The following CHIC2 variants were observed in gnomAD, a reference collection of about 807,000 sequenced individuals.
CHIC2 encodes cysteine rich hydrophobic domain 2.
Under a neutral mutation model 25.9 loss-of-function variants are expected in CHIC2, and 14 were observed. The observed-to-expected ratio is 0.54, with a 90% CI of 0.36 to 0.85. The LOEUF is 0.85. Among genes scored for constraint, CHIC2 ranks in the 40% least tolerant of loss-of-function variants. The pLI is 0.01. For missense variants in CHIC2, 146 were observed against 202.0 expected (o/e 0.72, Z 1.68); for synonymous variants, 70 against 72.0 (o/e 0.97, Z 0.14).
the CHIC2 span, among the ~76,000 whole-genome samples, chr4:54,083,018 C>CTTTTTTTTTTTTTTTTTTTTT: frequency 3.0e-3 from 205 of 67,922 alleles, 4 homozygotes; most frequent in Non-Finnish European, 3.3e-3. Context: ...TTCTTTCTTT[C>CTTTTTTTTTTTTTTTTTTTTT]TTTTTTTTTT....
chr4:54,080,484 G>A, the CHIC2 span, among the ~76,000 whole-genome samples: 2 of 151,692 alleles, frequency 1.3e-5, no homozygotes, highest in East Asian at 1.9e-4. Flanking sequence ...CTGGGGTCTC[G>A]GCTGGGTGCA....
At chr4:54,046,815 A>C (rs983217011) in intron 3 of CHIC2, among the ~76,000 whole-genome samples, 3 of 152,206 alleles carry the variant, frequency 2.0e-5, no homozygotes, top group African/African-American at 4.8e-5. Context: ...TAATTAAACT[A>C]AAGAGCTTCT....
chr4:54,024,745 C>G (rs1716004613), intron 3 of CHIC2, among the ~76,000 whole-genome samples: 1 of 152,200 alleles, frequency 6.6e-6, no homozygotes, highest in East Asian at 1.9e-4. Context: ...TAGGCACTCT[C>G]TAATTGGATG....
At chr4:54,064,690 T>TGCGTGGGC (rs933597312), upstream of CHIC2, 34 of 1,014,076 alleles carry the variant, frequency 3.4e-5, no homozygotes, top group East Asian at 5.9e-4. The surrounding 1 kb of genome is among the most constrained non-coding windows in gnomAD (Gnocchi z 4.2). Context: ...GGCGGGCGCG[T>TGCGTGGGC]GCGTGGGCGC....
intron 3 of CHIC2, among the ~76,000 whole-genome samples, chr4:54,026,856 T>C (rs73818146): frequency 0.023 from 3,527 of 152,302 alleles, 129 homozygotes; most frequent in African/African-American, 0.08. Flanking sequence ...TCTTAATGGT[T>C]TCATTTCAAT....
upstream of CHIC2, chr4:54,064,803 C>A (rs979407244): frequency 3.3e-6 from 1 of 304,858 alleles, no homozygotes; most frequent in Non-Finnish European, 4.8e-6. The surrounding 1 kb of genome is among the most constrained non-coding windows in gnomAD (Gnocchi z 4.2). Context: ...CAGACGGCGA[C>A]CGGGGCGCGC....
chr4:54,030,192 G>T (rs1056912723), intron 3 of CHIC2, among the ~76,000 whole-genome samples: 2 of 152,016 alleles, frequency 1.3e-5, no homozygotes, highest in East Asian at 3.8e-4. Flanking sequence ...ATTCAGAAAA[G>T]AAAAAACCTA....
chr4:54,046,063 G>T (rs1467663748), intron 3 of CHIC2, among the ~76,000 whole-genome samples: 2 of 150,598 alleles, frequency 1.3e-5, no homozygotes, highest in South Asian at 2.1e-4. Context: ...GCTTCAAAGA[G>T]AATAAAATAC....
At chr4:54,067,718 A>G (rs1717544718), upstream of CHIC2, among the ~76,000 whole-genome samples, 1 of 152,238 alleles carries the variant, frequency 6.6e-6, no homozygotes, top group African/African-American at 2.4e-5. Context: ...CTCAGGAGTC[A>G]GCAAGACTTG....
chr4:54,021,883 G>A (rs1715909788), intron 3 of CHIC2, among the ~76,000 whole-genome samples: 1 of 151,936 alleles, frequency 6.6e-6, no homozygotes, highest in African/African-American at 2.4e-5. Context: ...CCCACAAGAG[G>A]ACTTAATTAA....
At chr4:54,055,706 G>A (rs763879110) in intron 1 of CHIC2, among the ~76,000 whole-genome samples, 1 of 152,122 alleles carries the variant, frequency 6.6e-6, no homozygotes, top group Non-Finnish European at 1.5e-5. Context: ...GTTGAACTTT[G>A]AGCTCAATGA....
At chr4:54,075,299 A>G in the CHIC2 span, among the ~76,000 whole-genome samples, 31 of 152,356 alleles carry the variant, frequency 2.0e-4, no homozygotes, top group African/African-American at 7.5e-4. Context: ...CTTTGAAGCT[A>G]TAATGGACTA....
intron 3 of CHIC2, among the ~76,000 whole-genome samples, chr4:54,032,540 T>C (rs1319215644): frequency 6.6e-6 from 1 of 152,192 alleles, no homozygotes; most frequent in Non-Finnish European, 1.5e-5. Flanking sequence ...GGTGCCGGGA[T>C]TGCAGACGGA....
intron 3 of CHIC2, among the ~76,000 whole-genome samples, chr4:54,025,013 C>A (rs1481951803): frequency 2.0e-5 from 3 of 152,070 alleles, no homozygotes; most frequent in African/African-American, 7.2e-5. Flanking sequence ...TGAGAAACAT[C>A]GTCCATTATG....
chr4:54,026,419 CTGAGGTAGGAAAACTGCT>C (rs1252372873), intron 3 of CHIC2, among the ~76,000 whole-genome samples: 4 of 151,842 alleles, frequency 2.6e-5, no homozygotes, highest in Non-Finnish European at 5.9e-5. Context: ...ACTTGGGAGA[CTGAGGTAGGAAAACTGCT>C]TGAACCCGGG....
intron 3 of CHIC2, among the ~76,000 whole-genome samples, chr4:54,046,383 C>T (rs1419493698): frequency 3.3e-5 from 5 of 152,152 alleles, no homozygotes; most frequent in Non-Finnish European, 7.4e-5. Context: ...AGGCATCACG[C>T]TACCTGACTT....
chr4:54,013,969 C>G (rs1438531017), intron 4 of CHIC2, 73 bp from the exon 5 acceptor site: 2 of 1,594,182 alleles, frequency 1.3e-6, no homozygotes, highest in East Asian at 2.2e-5. Flanking sequence ...ACCCATTTGT[C>G]CACCTTTCAT....
the CHIC2 span, among the ~76,000 whole-genome samples, chr4:54,090,541 C>T: frequency 6.6e-6 from 1 of 152,246 alleles, no homozygotes; most frequent in East Asian, 1.9e-4. Context: ...CAAACGCATC[C>T]TCCCTCTTTC....
At position 54,013,836 on chromosome 4, in the gene CHIC2, C is replaced by A; in HGVS notation, c.447+1G>T. 6.2e-7 allele frequency: 1 copy of A among 1,612,896 alleles called. No homozygotes were observed. The highest frequency in any genetic ancestry group is 8.5e-7 in the Non-Finnish European group (1 of 1,179,172). On this transcript the variant is annotated splice_donor_variant, in intron 5 of 5. Coordinates refer to ENST00000263921, the MANE Select transcript of CHIC2 (RefSeq NM_012110.4). LOFTEE classifies it high-confidence loss of function. ...ACTCACAAAACAGCCCTTTAACTTA[C>A]ATATTCCATCATGTTATTCGTTTCA... is the stretch of plus-strand genomic sequence containing the variant.
Sources: gnomAD v4.1 joint callset for allele counts (sites outside exome capture counted in the v4.1 genomes callset) on GRCh38, gnomAD v4.1.1 for gene constraint, Gnocchi (gnomAD v3.1) non-coding constraint, MANE v1.5 for transcripts, NCBI Gene and HGNC (gene_info 2026-07-23, HGNC 2026-07-21) for gene names.